Variants in TSPEAR observed in about 807,000 individuals in gnomAD.
TSPEAR encodes the protein thrombospondin-type laminin G domain and EAR repeat-containing protein.
Under a neutral mutation model 71.6 loss-of-function variants are expected in TSPEAR, and 69 were observed. The ratio of observed to expected loss-of-function variants is 0.96; its 90% confidence interval spans 0.79 to 1.18. TSPEAR has a LOEUF of 1.18. Among genes scored for constraint, TSPEAR ranks in the 50% most tolerant of loss-of-function variants. TSPEAR has a pLI of 0.00. For missense variants in TSPEAR, 971 were observed against 894.9 expected, an observed-to-expected ratio of 1.09 and a Z score of -1.09; for synonymous variants, 402 against 387.2, an observed-to-expected ratio of 1.04 and a Z score of -0.45.
intron 1 of TSPEAR, among the ~76,000 whole-genome samples, chr21:44,625,079 G>A (rs1982681227): frequency 6.6e-6 from 1 of 152,150 alleles, no homozygotes; most frequent in African/African-American, 2.4e-5. Context: ...CGTTTTCAGA[G>A]GTCAAAATTA....
intron 1 of TSPEAR, chr21:44,637,304 A>G: frequency 7.1e-7 from 1 of 1,410,744 alleles, no homozygotes; most frequent in Non-Finnish European, 9.6e-7. Flanking sequence ...CTGCTGGGAA[A>G]ACACAGGCCC....
intron 1 of TSPEAR, among the ~76,000 whole-genome samples, chr21:44,578,263 C>G (rs4441563): frequency 3.9e-5 from 6 of 152,186 alleles, no homozygotes; most frequent in African/African-American, 1.2e-4. Flanking sequence ...GCAAACAACT[C>G]TATGTCAATA....
intron 1 of TSPEAR, among the ~76,000 whole-genome samples, chr21:44,626,791 G>T (rs1208586166): frequency 6.6e-6 from 1 of 152,078 alleles, no homozygotes; most frequent in African/African-American, 2.4e-5. Flanking sequence ...CGATGCCCCA[G>T]CAACCAAAGA....
intron 1 of TSPEAR, chr21:44,574,421 C>G: frequency 6.2e-7 from 1 of 1,603,318 alleles, no homozygotes; most frequent in Non-Finnish European, 8.5e-7. Context: ...GCTGCACCTC[C>G]TCCTCCTGCC....
intron 1 of TSPEAR, among the ~76,000 whole-genome samples, chr21:44,605,935 T>C (rs1555929739): frequency 2.0e-5 from 3 of 151,436 alleles, no homozygotes; most frequent in Non-Finnish European, 4.4e-5. Context: ...CCTAACAAAA[T>C]AAAACATAGA....
intron 1 of TSPEAR, among the ~76,000 whole-genome samples, chr21:44,576,413 G>A (rs900986570): frequency 5.4e-5 from 8 of 148,540 alleles, no homozygotes; most frequent in Admixed American, 5.3e-4. Flanking sequence ...GGGTGGGTGA[G>A]GGGGCAAACC....
At chr21:44,582,998 C>A (rs1393697637) in intron 1 of TSPEAR, among the ~76,000 whole-genome samples, 9 of 15,392 alleles carry the variant, frequency 5.8e-4, no homozygotes, top group East Asian at 4.8e-3. Flanking sequence ...ATTTTTCTTT[C>A]TTTCTTTTTT....
rs782008403 is a variant in TSPEAR at position 44,574,923 on chromosome 21, C to T, written c.83-6918G>A. On this transcript the variant is annotated intron_variant, in intron 1 of 11. Coordinates refer to ENST00000323084, the MANE Select transcript of TSPEAR (RefSeq NM_144991.3). ...CTGTGCTCCCACCTCCTCCTGCCAA[C>T]CCAGCTGCTGCCGCCCAGCCTCCTG... 3.1e-6 allele frequency: 5 copies of T among 1,612,034 alleles called. 1 individual carries two copies. Among genetic ancestry groups the T allele is most frequent in the Middle Eastern group, 1.7e-4 (1 of 6,022 alleles).
intron 8 of TSPEAR, among the ~76,000 whole-genome samples, chr21:44,523,460 TAATC>T (rs200927141): frequency 3.4e-3 from 520 of 151,446 alleles, no homozygotes; most frequent in African/African-American, 0.012. Context: ...GTTAATAAGG[TAATC>T]AGTCAGTCAG....
chr21:44,551,050 G>A (rs1555918683), intron 2 of TSPEAR: 3 of 1,611,126 alleles, frequency 1.9e-6, no homozygotes, highest in Non-Finnish European at 2.5e-6. Context: ...CAGGACTGCT[G>A]GCAGGAGGAA....
At chr21:44,643,959 TA>T (rs1410184612) in intron 1 of TSPEAR, among the ~76,000 whole-genome samples, 1 of 152,222 alleles carries the variant, frequency 6.6e-6, no homozygotes, top group Non-Finnish European at 1.5e-5. Flanking sequence ...GGGAGTCAAA[TA>T]AAACAAAAGA....
rs556006639 is a variant in TSPEAR, at chr21:44,697,476, C to A, written c.82+13957G>T. 5.6e-6 allele frequency: 9 copies of A among 1,613,994 alleles called. No individual in the cohort carries two copies. In the South Asian group the frequency reaches 9.9e-5, roughly 18 times the overall value. ...TGCTGCCAGCAGTCTAGCTGCCAGCCGGCTTGCTGCACCTCCTCCCCCTGC... is the reference window on the plus strand; with the variant it reads ...TGCTGCCAGCAGTCTAGCTGCCAGCAGGCTTGCTGCACCTCCTCCCCCTGC... On this transcript the variant is annotated intron_variant, in intron 1 of 11. Transcript: ENST00000323084.
intron 2 of TSPEAR, chr21:44,550,648 G>A (rs782753701): frequency 1.9e-5 from 30 of 1,603,132 alleles, no homozygotes; most frequent in Admixed American, 6.7e-5. Flanking sequence ...GGACTGGCAG[G>A]GAGGTGGGGC....
chr21:44,572,834 GACACAC>G (rs71199612), intron 1 of TSPEAR, among the ~76,000 whole-genome samples: 55,544 of 124,588 alleles, frequency 0.45, 12,251 homozygotes, highest in Middle Eastern at 0.55. Context: ...GGGAGATTTG[GACACAC>G]ACACACACAC....
rs587723775 is a variant in TSPEAR, at chr21:44,622,659, T to G, written c.83-54654A>C. 8.8e-4 allele frequency among the ~76,000 whole-genome samples: 134 copies of G among 152,354 alleles called. 1 individual carries two copies. The highest frequency in any genetic ancestry group is 3.0e-3 in the African/African-American group (123 of 41,578). On this transcript the variant is annotated intron_variant, in intron 1 of 11. Coordinates refer to ENST00000323084, the MANE Select transcript of TSPEAR (RefSeq NM_144991.3). The stretch of plus-strand genomic sequence containing the variant: ...CTTCCCTTTGTGTGTGTGTTTGAAC[T>G]TCCTTCTCCTTTCTCTGATAAAGAC...
chr21:44,693,065 G>A (rs4818965), intron 1 of TSPEAR, among the ~76,000 whole-genome samples: 53,039 of 151,916 alleles, frequency 0.35, 9,361 homozygotes, highest in Admixed American at 0.4. Context: ...TACATTTATG[G>A]CCAACTGATT....
intron 8 of TSPEAR, among the ~76,000 whole-genome samples, chr21:44,522,533 G>A (rs1477289331): frequency 6.6e-6 from 1 of 152,232 alleles, no homozygotes; most frequent in Admixed American, 6.5e-5. Context: ...TGGGTGGGTC[G>A]TGGGCTCAGG....
chr21:44,649,010 C>T (rs2146245281), intron 1 of TSPEAR, among the ~76,000 whole-genome samples: 1 of 152,372 alleles, frequency 6.6e-6, no homozygotes, highest in East Asian at 1.9e-4. Flanking sequence ...CCGGGGTGCC[C>T]CTCCTGTCTG....
intron 1 of TSPEAR, among the ~76,000 whole-genome samples, chr21:44,668,828 A>T (rs1985915357): frequency 6.6e-6 from 1 of 152,248 alleles, no homozygotes; most frequent in African/African-American, 2.4e-5. Context: ...GGAAAACAGG[A>T]TATCCACACA....
Sources: allele counts gnomAD v4.1 joint callset (sites outside exome capture counted in the v4.1 genomes callset), GRCh38; gene constraint gnomAD v4.1.1; transcripts MANE v1.5; gene names NCBI Gene and HGNC (gene_info 2026-07-23, HGNC 2026-07-21).